The following MCU variants were observed in gnomAD, a reference collection of about 807,000 sequenced individuals.
MCU encodes the protein calcium uniporter protein, mitochondrial.
MCU carries 12 observed loss-of-function variants against 45.2 expected under a neutral mutation model. The ratio of observed to expected loss-of-function variants is 0.27; its 90% CI spans 0.17 to 0.43. MCU has a LOEUF of 0.43. Ranked by LOEUF, MCU falls within the 20% of genes least tolerant of loss-of-function variation. MCU has a pLI of 1.00. For synonymous variants in MCU, 160 were observed against 165.1 expected (o/e 0.97, Z 0.24); for missense variants, 324 against 436.7 (o/e 0.74, Z 2.30).
intron 1 of MCU, among the ~76,000 whole-genome samples, chr10:72,776,837 A>T (rs1239798163): frequency 6.6e-6 from 1 of 152,362 alleles, no homozygotes; most frequent in East Asian, 1.9e-4. Flanking sequence ...TCCACAAAAA[A>T]TTGTTAACAC....
In MCU at chr10:72,859,488, A is replaced by G. The variant is rs1589500276; in HGVS notation, c.391+141A>G. 6.2e-6 allele frequency: 4 copies of G among 643,380 alleles called. No individual in the cohort carries two copies. The East Asian group carries it at 1.1e-4, about 18-fold the overall frequency. The allele number at this position is 643,380 out of a possible 1,614,324, so 39.9% of individuals were successfully genotyped here. On this transcript the variant is annotated intron_variant, in intron 3 of 7. Transcript: ENST00000373053. ...AGAAAACTTTTTTCTTTTGCTTAGC[A>G]CTTACCAGGAGAGAAAGGGATTTCT...
intron 1 of MCU, among the ~76,000 whole-genome samples, chr10:72,723,853 G>A (rs1292876244): frequency 1.3e-5 from 2 of 152,086 alleles, no homozygotes; most frequent in Non-Finnish European, 1.5e-5. Context: ...ATAGGTTACC[G>A]CCCTCACCAT....
intron 1 of MCU, among the ~76,000 whole-genome samples, chr10:72,749,760 C>A (rs79239316): frequency 0.052 from 7,953 of 151,964 alleles, 685 homozygotes; most frequent in African/African-American, 0.18. Context: ...GCTGTTGTAG[C>A]TTTGCTACCT....
intron 1 of MCU, among the ~76,000 whole-genome samples, chr10:72,733,488 T>C (rs934304977): frequency 2.6e-5 from 4 of 152,012 alleles, no homozygotes; most frequent in African/African-American, 9.7e-5. Context: ...TATCTTGTAC[T>C]GAGGCAGGAG....
intron 1 of MCU, among the ~76,000 whole-genome samples, chr10:72,794,329 TAG>T (rs1001666284): frequency 6.6e-6 from 1 of 152,140 alleles, no homozygotes; most frequent in Non-Finnish European, 1.5e-5. Context: ...ACGAGATTCA[TAG>T]AGTTACTGAA....
At chr10:72,755,996 A>G (rs1459725413) in intron 1 of MCU, among the ~76,000 whole-genome samples, 2 of 152,098 alleles carry the variant, frequency 1.3e-5, no homozygotes, top group Non-Finnish European at 2.9e-5. Context: ...GGTGTGCACC[A>G]CCATACCCAG....
At chr10:72,704,709 T>C (rs1230405675) in intron 1 of MCU, among the ~76,000 whole-genome samples, 3 of 133,726 alleles carry the variant, frequency 2.2e-5, no homozygotes, top group Non-Finnish European at 3.2e-5. Context: ...GGATAATTTT[T>C]TTTTTTTTTT....
intron 1 of MCU, among the ~76,000 whole-genome samples, chr10:72,711,934 G>C (rs914019354): frequency 2.0e-5 from 3 of 150,422 alleles, no homozygotes; most frequent in Admixed American, 6.6e-5. Flanking sequence ...GGATGGTCTC[G>C]ATCTCCTGAC....
At chr10:72,845,138 A>G (rs1359700926) in intron 2 of MCU, among the ~76,000 whole-genome samples, 1 of 152,198 alleles carries the variant, frequency 6.6e-6, no homozygotes, top group Non-Finnish European at 1.5e-5. Flanking sequence ...AAGCTTGCAT[A>G]TATAGAAATC....
chr10:72,847,285 T>C (rs959967977), intron 2 of MCU, among the ~76,000 whole-genome samples: 4 of 152,188 alleles, frequency 2.6e-5, no homozygotes, highest in Non-Finnish European at 4.4e-5. Context: ...TGTATAATGA[T>C]TTCTGATCAA....
At chr10:72,879,550 G>C (rs1430647881) in intron 6 of MCU, among the ~76,000 whole-genome samples, 2 of 152,146 alleles carry the variant, frequency 1.3e-5, no homozygotes, top group East Asian at 3.8e-4. Flanking sequence ...CAGAGAATTT[G>C]TCACCATCAG....
chr10:72,762,226 C>G (rs1456273135), intron 1 of MCU, among the ~76,000 whole-genome samples: 1 of 151,840 alleles, frequency 6.6e-6, no homozygotes, highest in Non-Finnish European at 1.5e-5. Context: ...TTAAAACTGC[C>G]AACAAAAACA....
intron 1 of MCU, among the ~76,000 whole-genome samples, chr10:72,829,734 AAG>A (rs1210693128): frequency 6.6e-6 from 1 of 152,090 alleles, no homozygotes; most frequent in Non-Finnish European, 1.5e-5. Context: ...GGAATTATGG[AAG>A]AGTTTAGAAT....
chr10:72,884,249 T>C lies in MCU; in HGVS notation c.862-17T>C, dbSNP rs780072168. 2.8e-6 allele frequency: 4 copies of C among 1,440,362 alleles called. No individual in the cohort carries two copies. Among genetic ancestry groups the C allele is most frequent in the Non-Finnish European group, 3.9e-6 (4 of 1,024,018 alleles). The allele number at this position is 1,440,362 out of a possible 1,614,324, so 89.2% of individuals were successfully genotyped here. ...AGTATGCTAAGGACTGATAATTCCGTTTCTTCATTTTTTTAGGAATATGTT... is the reference window on the plus strand; with the variant it reads ...AGTATGCTAAGGACTGATAATTCCGCTTCTTCATTTTTTTAGGAATATGTT... On this transcript the variant is annotated splice_polypyrimidine_tract_variant and intron_variant, in intron 6 of 7. Transcript: ENST00000373053.
At chr10:72,842,337 T>C (rs1399913268) in intron 2 of MCU, among the ~76,000 whole-genome samples, 1 of 152,244 alleles carries the variant, frequency 6.6e-6, no homozygotes, top group East Asian at 1.9e-4. Context: ...GGATTTATAA[T>C]CTTTTCACTT....
At chr10:72,699,907 T>G (rs1842736318) in intron 1 of MCU, among the ~76,000 whole-genome samples, 1 of 150,924 alleles carries the variant, frequency 6.6e-6, no homozygotes, top group South Asian at 2.1e-4. Context: ...GGTTTTTTTC[T>G]TAGTAGCTCA....
intron 1 of MCU, among the ~76,000 whole-genome samples, chr10:72,793,330 G>C (rs1468839705): frequency 6.6e-6 from 1 of 152,132 alleles, no homozygotes; most frequent in Non-Finnish European, 1.5e-5. Flanking sequence ...TAAAAAGAGA[G>C]AGCAACCAAC....
intron 1 of MCU, among the ~76,000 whole-genome samples, chr10:72,698,858 T>C (rs1379646447): frequency 3.3e-5 from 5 of 152,070 alleles, no homozygotes; most frequent in Non-Finnish European, 7.4e-5. Context: ...GGCTGAAGTA[T>C]AGTAGTCTGA....
At chr10:72,697,148 G>A (rs1434586490) in intron 1 of MCU, among the ~76,000 whole-genome samples, 3 of 152,142 alleles carry the variant, frequency 2.0e-5, no homozygotes, top group Admixed American at 2.0e-4. Flanking sequence ...ATGGAGTGTT[G>A]CTCTGTTGCC....
Sources: gnomAD v4.1 joint callset for allele counts (sites outside exome capture counted in the v4.1 genomes callset) on GRCh38, gnomAD v4.1.1 for gene constraint, MANE v1.5 for transcripts, NCBI Gene and HGNC (gene_info 2026-07-23, HGNC 2026-07-21) for gene names.